Variants in NWD2 observed in about 807,000 individuals in gnomAD.
The protein encoded by NWD2 is NACHT and WD repeat domain-containing protein 2.
Under a neutral mutation model 132.7 loss-of-function variants are expected in NWD2, and 37 were observed. That is an observed-to-expected ratio of 0.28 (90% CI 0.21 to 0.37). The LOEUF is 0.37. Among genes scored for constraint, NWD2 ranks in the 10% least tolerant of loss-of-function variants. The pLI, the probability that NWD2 is intolerant of heterozygous loss-of-function variation, is 1.00. For missense variants in NWD2, 1,592 were observed against 2,122.4 expected (o/e 0.75, Z 4.91); for synonymous variants, 705 against 803.0 (o/e 0.88, Z 2.06).
intron 1 of NWD2, among the ~76,000 whole-genome samples, chr4:37,267,475 A>G (rs1012461360): frequency 1.3e-5 from 2 of 151,970 alleles, no homozygotes; most frequent in Non-Finnish European, 2.9e-5. Context: ...TAAGAACCCT[A>G]GTACCTATTG....
chr4:37,348,663 TATATATATATATACACACACAC>T (rs1719694376), intron 2 of NWD2, among the ~76,000 whole-genome samples: 1 of 74,322 alleles, frequency 1.3e-5, no homozygotes, highest in Non-Finnish European at 2.7e-5. Context: ...TATATATATA[TATATATATATATACACACACAC>T]ACACACACAC....
chr4:37,430,459 G>A lies in NWD2; in HGVS notation c.358-113G>A, dbSNP rs542465461. On this transcript the variant is annotated intron_variant, in intron 3 of 6. Coordinates refer to ENST00000309447, the MANE Select transcript of NWD2 (RefSeq NM_001144990.2). The stretch of plus-strand genomic sequence containing the variant: ...GTGACCAAAAGAGAAAACTGATGGA[G>A]CAATGTATCTTGTTATCTATTGATT... 2,067 of 749,656 alleles carry A rather than the reference G, an allele frequency of 2.8e-3. 66 individuals are homozygous for A. In the South Asian group the frequency reaches 0.035, roughly 13 times the overall value. The allele number at this position is 749,656 out of a possible 1,614,324, so 46.4% of individuals were successfully genotyped here.
chr4:37,421,200 C>A (rs926140999), intron 3 of NWD2, among the ~76,000 whole-genome samples: 5 of 152,184 alleles, frequency 3.3e-5, no homozygotes, highest in Non-Finnish European at 7.3e-5. Context: ...CCAATTAATT[C>A]TTTCTCTAGC....
chr4:37,417,333 C>T (rs897035654), intron 3 of NWD2, among the ~76,000 whole-genome samples: 4 of 150,924 alleles, frequency 2.7e-5, no homozygotes, highest in Non-Finnish European at 4.4e-5. Context: ...TTTAAACTTA[C>T]TGACATAGAG....
At chr4:37,403,606 A>C (rs1053869399) in intron 3 of NWD2, among the ~76,000 whole-genome samples, 4 of 152,148 alleles carry the variant, frequency 2.6e-5, no homozygotes, top group African/African-American at 9.6e-5. Flanking sequence ...TGCATGAAGC[A>C]TCATTAGACC....
At chr4:37,390,464 A>G (rs1377936695) in intron 3 of NWD2, among the ~76,000 whole-genome samples, 1 of 151,960 alleles carries the variant, frequency 6.6e-6, no homozygotes, top group Non-Finnish European at 1.5e-5. Context: ...CACTGGTCTA[A>G]GAAATTTGGT....
At chr4:37,365,391 T>TG (rs1720080782) in intron 3 of NWD2, among the ~76,000 whole-genome samples, 4 of 152,152 alleles carry the variant, frequency 2.6e-5, no homozygotes, top group Admixed American at 2.6e-4. Context: ...CCAACCAAAA[T>TG]GTATTTTAAA....
chr4:37,299,673 G>T (rs1212527179), intron 1 of NWD2, among the ~76,000 whole-genome samples: 3 of 152,060 alleles, frequency 2.0e-5, no homozygotes, highest in Admixed American at 2.0e-4. Flanking sequence ...TGTAAGTGAA[G>T]GACTTGCTGA....
rs1051752196 is a variant in NWD2 at position 37,449,244 on chromosome 4, T to G, written c.*2027T>G. On this transcript the variant is annotated 3_prime_UTR_variant, in exon 7 of 7. Transcript: ENST00000309447. ...AGAGTATACAAGTGACTTGAATGAT[T>G]TTTCCTAACTTGTTTGCAACTGATA... The G allele has an allele frequency of 4.6e-5, 7 of 152,220 alleles. No homozygotes were observed. Among genetic ancestry groups the G allele is most frequent in the Admixed American group, 6.5e-5 (1 of 15,280 alleles). 9.4% of individuals were successfully genotyped at this position (152,220 alleles called of 1,614,324 possible). A position where few individuals can be genotyped will look rare whatever the true frequency, so the allele number is the denominator to read the frequency against.
intron 1 of NWD2, among the ~76,000 whole-genome samples, chr4:37,311,053 T>C (rs1160922995): frequency 2.0e-5 from 3 of 152,078 alleles, no homozygotes; most frequent in Admixed American, 1.3e-4. Context: ...TTTGGGTTGG[T>C]TCCAAGTCTT....
chr4:37,292,713 A>G (rs1281215582), intron 1 of NWD2, among the ~76,000 whole-genome samples: 4 of 152,140 alleles, frequency 2.6e-5, no homozygotes, highest in Non-Finnish European at 5.9e-5. Context: ...TTTTCCATGG[A>G]TCAGGGAGTG....
chr4:37,247,221 C>T (rs916204220), intron 1 of NWD2, among the ~76,000 whole-genome samples: 2 of 152,194 alleles, frequency 1.3e-5, no homozygotes, highest in African/African-American at 4.8e-5. Flanking sequence ...GACAGATGGG[C>T]ATTTTTAATG....
At chr4:37,432,016 A>T (rs1712194334) in intron 4 of NWD2, among the ~76,000 whole-genome samples, 1 of 152,114 alleles carries the variant, frequency 6.6e-6, no homozygotes, top group African/African-American at 2.4e-5. Context: ...TCTCTGAAAA[A>T]TTATTGTTTT....
chr4:37,340,339 C>T (rs990036725), intron 2 of NWD2, among the ~76,000 whole-genome samples: 1 of 152,192 alleles, frequency 6.6e-6, no homozygotes, highest in Admixed American at 6.5e-5. Flanking sequence ...TGTGTTACCT[C>T]CTCATTGGCA....
At chr4:37,337,343 G>A (rs1300379111) in intron 2 of NWD2, among the ~76,000 whole-genome samples, 1 of 152,206 alleles carries the variant, frequency 6.6e-6, no homozygotes, top group Non-Finnish European at 1.5e-5. Flanking sequence ...AACTAAGCGT[G>A]ACAACATGGT....
chr4:37,447,431 A>G lies in NWD2; in HGVS notation c.*214A>G, dbSNP rs936587. 302,914 of 565,510 alleles carry G rather than the reference A, an allele frequency of 0.54. 82,024 individuals are homozygous for G. The highest frequency in any genetic ancestry group is 0.58 in the South Asian group (25,592 of 44,078). 35.0% of individuals were successfully genotyped at this position (565,510 alleles called of 1,614,324 possible). A position where few individuals can be genotyped will look rare whatever the true frequency, so the allele number is the denominator to read the frequency against. ...CAGAATGTCAGAATTTCTAGTAGTA[A>G]TATTTAAATGGTTACTTCATCTGAA... On this transcript the variant is annotated 3_prime_UTR_variant, in exon 7 of 7. Coordinates refer to ENST00000309447, the MANE Select transcript of NWD2 (RefSeq NM_001144990.2).
At chr4:37,309,025 C>T (rs1306334715) in intron 1 of NWD2, among the ~76,000 whole-genome samples, 1 of 152,200 alleles carries the variant, frequency 6.6e-6, no homozygotes, top group African/African-American at 2.4e-5. Flanking sequence ...TGGGGGATTG[C>T]ATGAGAGAGC....
intron 2 of NWD2, among the ~76,000 whole-genome samples, chr4:37,349,725 A>G (rs796437303): frequency 6.6e-6 from 1 of 152,150 alleles, no homozygotes; most frequent in African/African-American, 2.4e-5. Flanking sequence ...TTTTGTTGCC[A>G]TTGCTTTTGG....
chr4:37,272,091 C>A (rs1389811833), intron 1 of NWD2, among the ~76,000 whole-genome samples: 2 of 151,728 alleles, frequency 1.3e-5, no homozygotes, highest in African/African-American at 2.4e-5. Flanking sequence ...TCTGTCACTG[C>A]AGTGAAGTAC....
Sources: gnomAD v4.1 joint callset for allele counts (sites outside exome capture counted in the v4.1 genomes callset) on GRCh38, gnomAD v4.1.1 for gene constraint, MANE v1.5 for transcripts, NCBI Gene and HGNC (gene_info 2026-07-23, HGNC 2026-07-21) for gene names.